GJC1: variants seen among roughly 807,000 people sequenced by gnomAD.
The protein encoded by GJC1 is gap junction gamma-1 protein.
Under a neutral mutation model 29.3 loss-of-function variants are expected in GJC1, and 5 were observed. The ratio of observed to expected loss-of-function variants is 0.17; its 90% CI spans 0.09 to 0.36. GJC1 has a LOEUF of 0.36. Ranked by LOEUF, GJC1 falls within the 10% of genes least tolerant of loss-of-function variation. The pLI, the probability that GJC1 is intolerant of heterozygous loss-of-function variation, is 1.00. For missense variants in GJC1, 310 were observed against 496.2 expected (o/e 0.62, Z 3.56); for synonymous variants, 177 against 183.3 (o/e 0.97, Z 0.28).
Position 44,804,502 on chromosome 17 carries a change from G to T in GJC1, c.*125C>A, listed in dbSNP as rs1342084948. On this transcript the variant is annotated 3_prime_UTR_variant, in exon 3 of 3. Transcript: ENST00000592524. ...CCCGCCTCCAGAGTCCCCTGAGCTT[G>T]GATCATGAGCCAACAGCATCCCTGA... 16 of 765,242 alleles carry T rather than the reference G, an allele frequency of 2.1e-5. No homozygotes were observed. The highest frequency in any genetic ancestry group is 3.0e-5 in the Non-Finnish European group (14 of 466,680). The allele number at this position is 765,242 out of a possible 1,614,324, so 47.4% of individuals were successfully genotyped here. A position where few individuals can be genotyped will look rare whatever the true frequency, so the allele number is the denominator to read the frequency against.
chr17:44,817,988 G>A (rs149690385), intron 1 of GJC1, among the ~76,000 whole-genome samples: 351 of 152,172 alleles, frequency 2.3e-3, no homozygotes, highest in Non-Finnish European at 4.0e-3. Flanking sequence ...CGAGGTGGGC[G>A]GATCAGCTAA....
intron 1 of GJC1, among the ~76,000 whole-genome samples, chr17:44,826,270 C>T (rs1359762484): frequency 6.6e-6 from 1 of 152,216 alleles, no homozygotes; most frequent in Admixed American, 6.6e-5. Context: ...CGGTGGCTCA[C>T]GACTGTAACC....
At chr17:44,814,839 G>A (rs1465761671) in intron 1 of GJC1, among the ~76,000 whole-genome samples, 1 of 152,070 alleles carries the variant, frequency 6.6e-6, no homozygotes, top group African/African-American at 2.4e-5. Flanking sequence ...GCTACTTGGA[G>A]GCTGAGGCAG....
intron 1 of GJC1, among the ~76,000 whole-genome samples, chr17:44,816,937 G>A (rs780418369): frequency 2.6e-5 from 4 of 152,088 alleles, no homozygotes; most frequent in Non-Finnish European, 4.4e-5. Context: ...CCTGCCAGGC[G>A]CAGTGGTTCA....
At chr17:44,816,505 T>A (rs1336914037) in intron 1 of GJC1, among the ~76,000 whole-genome samples, 2 of 152,144 alleles carry the variant, frequency 1.3e-5, no homozygotes, top group Non-Finnish European at 2.9e-5. Context: ...TGTTTTGTTT[T>A]GTTTTTGGTT....
chr17:44,807,411 G>A lies in GJC1; in HGVS notation c.-38C>T, dbSNP rs1009828529. The A allele has an allele frequency of 4.6e-5, 7 of 152,082 alleles. No individual in the cohort carries two copies. The highest frequency in any genetic ancestry group is 7.2e-5 in the African/African-American group (3 of 41,396). The allele number at this position is 152,082 out of a possible 1,614,324, so 9.4% of individuals were successfully genotyped here. A position where few individuals can be genotyped will look rare whatever the true frequency, so the allele number is the denominator to read the frequency against. ...CACTTTACCTGTTGTCCAGAACTTC[G>A]GTTACCCAAAATTTTCTTAGAGAAA... is the stretch of plus-strand genomic sequence containing the variant. On this transcript the variant is annotated 5_prime_UTR_variant, in exon 2 of 3. Coordinates refer to ENST00000592524, the MANE Select transcript of GJC1 (RefSeq NM_005497.4).
chr17:44,816,989 T>C (rs952568542), intron 1 of GJC1, among the ~76,000 whole-genome samples: 1 of 151,730 alleles, frequency 6.6e-6, no homozygotes, highest in African/African-American at 2.4e-5. Context: ...GGCGGGCGGA[T>C]CACCTGAAGT....
At chr17:44,819,817 G>C (rs2050089261) in intron 1 of GJC1, among the ~76,000 whole-genome samples, 1 of 151,832 alleles carries the variant, frequency 6.6e-6, no homozygotes, top group Non-Finnish European at 1.5e-5. Flanking sequence ...TACAACTTTG[G>C]CCACTGTGAA....
intron 1 of GJC1, among the ~76,000 whole-genome samples, chr17:44,819,388 GTGGCTCACGCC>G (rs1463945403): frequency 6.6e-6 from 1 of 152,086 alleles, no homozygotes; most frequent in Non-Finnish European, 1.5e-5. Flanking sequence ...GCCAGGCGCG[GTGGCTCACGCC>G]TGTAATCCCA....
At chr17:44,809,727 C>T (rs1388504064) in intron 1 of GJC1, among the ~76,000 whole-genome samples, 7 of 152,012 alleles carry the variant, frequency 4.6e-5, no homozygotes, top group African/African-American at 1.7e-4. Flanking sequence ...TGCACCACCA[C>T]GCCTGGGTAA....
At chr17:44,811,117 G>A (rs922865563) in intron 1 of GJC1, among the ~76,000 whole-genome samples, 13 of 150,816 alleles carry the variant, frequency 8.6e-5, no homozygotes, top group African/African-American at 2.9e-4. Context: ...CGCTTTTGTT[G>A]CCCAAGCTGG....
At chr17:44,814,287 C>T (rs1034239166) in intron 1 of GJC1, among the ~76,000 whole-genome samples, 2 of 151,314 alleles carry the variant, frequency 1.3e-5, no homozygotes, top group South Asian at 2.1e-4. Context: ...ACTACAGGTG[C>T]CCGCCACCAC....
At chr17:44,820,354 T>C (rs180798903) in intron 1 of GJC1, among the ~76,000 whole-genome samples, 15 of 152,306 alleles carry the variant, frequency 9.8e-5, no homozygotes, top group Non-Finnish European at 5.9e-5. Context: ...ATCCATGCAC[T>C]TCAGGAATAA....
At position 44,800,888 on chromosome 17, in the gene GJC1, C is replaced by T. The variant is rs2049835736; in HGVS notation, c.*3739G>A. ...AGCCACAAAATGAACATTAACATTTCTTTAGGGGAAAATGCTATCTAATTT... is the reference window on the plus strand; with the variant it reads ...AGCCACAAAATGAACATTAACATTTTTTTAGGGGAAAATGCTATCTAATTT... On this transcript the variant is annotated 3_prime_UTR_variant, in exon 3 of 3. Transcript: ENST00000592524. The T allele has an allele frequency of 6.8e-6, 1 of 147,936 alleles. No individual in the cohort carries two copies. 9.2% of individuals were successfully genotyped at this position (147,936 alleles called of 1,614,324 possible). A position where few individuals can be genotyped will look rare whatever the true frequency, so the allele number is the denominator to read the frequency against.
Position 44,805,553 on chromosome 17 carries a change from C to G in GJC1, c.265G>C (p.Val89Leu), listed in dbSNP as rs555795340. 1.2e-5 allele frequency: 19 copies of G among 1,614,200 alleles called. No individual in the cohort carries two copies. In the South Asian group the frequency reaches 2.1e-4, roughly 18 times the overall value. The change falls in exon 3 of 3, where the codon GTG becomes CTG. Residue 89 changes from valine (V) to leucine (L), a missense_variant. Val to Leu is a conservative substitution (Grantham distance 32). Around this residue, in one of 4 missense-constraint regions of GJC1, gnomAD observed 82 missense variants for 100.7 expected, o/e 0.81. Coordinates refer to ENST00000592524, the MANE Select transcript of GJC1 (RefSeq NM_005497.4). The surrounding 1 kb of genome is among the most constrained non-coding windows in gnomAD (Gnocchi z 5.1). ...FQIILVATPS[V>L]MYLGYAIHKI... ...TGGATAGCATAGCCCAGGTACATCA[C>G]AGAGGGAGTTGCCACCAGGATGATC...
In GJC1 at chr17:44,805,719, G is replaced by A. The variant is rs1293553169; in HGVS notation, c.99C>T (p.Ile33=). 3.1e-6 allele frequency: 5 copies of A among 1,613,878 alleles called. No individual in the cohort carries two copies. The highest frequency in any genetic ancestry group is 4.2e-6 in the Non-Finnish European group (5 of 1,179,766). ...IWLTVLIVFR[I]VLTAVGGESI... ...ATTCTCCTCCTACAGCTGTAAGGAC[G>A]ATCCGGAAGACAATCAGAACAGTGA... Residue 33 remains isoleucine, a synonymous_variant, in exon 3 of 3, where the codon ATC becomes ATT. Transcript: ENST00000592524. This position sits in a 1 kb window ranked among gnomAD's most constrained non-coding sequence, Gnocchi z 5.1.
In GJC1 at chr17:44,805,001, C is replaced by A; in HGVS notation, c.817G>T (p.Gly273Cys). 6.2e-7 allele frequency: 1 copy of A among 1,613,986 alleles called. No individual in the cohort carries two copies. Among genetic ancestry groups the A allele is most frequent in the South Asian group, 1.1e-5 (1 of 91,080 alleles). The change falls in exon 3 of 3, where the codon GGT (glycine) becomes TGT (cysteine). Residue 273 changes from glycine to cysteine, a missense_variant. By Grantham distance (159) the Gly-to-Cys change is radical (BLOSUM62 -3). This residue lies in a region of GJC1 where 146 missense variants were observed against 165.0 expected (regional missense o/e 0.88). Transcript: ENST00000592524. This position sits in a 1 kb window ranked among gnomAD's most constrained non-coding sequence, Gnocchi z 5.1. ...NSKRRELEDP[G>C]AYNYPFTWNT... is the part of the protein sequence containing the mutation. Reference sequence around the variant, plus strand: ...CAAGTGAAAGGATAATTATAAGCACCCGGATCCTCAAGTTCCCTCCTTTTA... The same window carrying A: ...CAAGTGAAAGGATAATTATAAGCACACGGATCCTCAAGTTCCCTCCTTTTA...
chr17:44,796,963 C>T (rs2049787454), downstream of GJC1, among the ~76,000 whole-genome samples: 1 of 152,146 alleles, frequency 6.6e-6, no homozygotes, highest in Admixed American at 6.5e-5. Context: ...CTTCCTGCCT[C>T]AGCCTCCCAA....
rs1597740097 is a variant in GJC1, at chr17:44,804,367, C to T, written c.*260G>A. ...TTCAACAAGAATGATTTAAATATGT[C>T]TGTTCTTCTCCAGATCTGGAAGACA... On this transcript the variant is annotated 3_prime_UTR_variant, in exon 3 of 3. Coordinates refer to ENST00000592524, the MANE Select transcript of GJC1 (RefSeq NM_005497.4). The T allele has an allele frequency of 4.7e-6, 2 of 426,680 alleles. No individual in the cohort carries two copies. The highest frequency in any genetic ancestry group is 7.5e-5 in the East Asian group (2 of 26,656). The allele number at this position is 426,680 out of a possible 1,614,324, so 26.4% of individuals were successfully genotyped here. A position where few individuals can be genotyped will look rare whatever the true frequency, so the allele number is the denominator to read the frequency against.
Sources: allele counts gnomAD v4.1 joint callset (sites outside exome capture counted in the v4.1 genomes callset), GRCh38; gene constraint gnomAD v4.1.1; regional missense constraint gnomAD v4.1.1; non-coding constraint Gnocchi (gnomAD v3.1); transcripts MANE v1.5; gene names NCBI Gene and HGNC (gene_info 2026-07-23, HGNC 2026-07-21).